The following ERAP1 variants were observed in gnomAD, a reference collection of about 807,000 sequenced individuals.
ERAP1 encodes the protein adipocyte-derived leucine aminopeptidase.
A neutral mutation model predicts 103.7 loss-of-function variants in ERAP1; 86 were observed. The observed-to-expected ratio is 0.83, with a 90% CI of 0.70 to 0.99. The LOEUF (loss-of-function observed/expected upper bound fraction) is 0.99, where lower values mean the gene tolerates loss of function less well. Among genes scored for constraint, ERAP1 ranks in the 50% least tolerant of loss-of-function variants. The pLI, the probability that ERAP1 is intolerant of heterozygous loss-of-function variation, is 0.00. For synonymous variants in ERAP1, 398 were observed against 402.4 expected (o/e 0.99, Z 0.13); for missense variants, 1,009 against 1,128.4 (o/e 0.89, Z 1.52).
chr5:96,865,806 A>G, the ERAP1 span, among the ~76,000 whole-genome samples: 2 of 152,206 alleles, frequency 1.3e-5, no homozygotes, highest in Admixed American at 6.5e-5. Context: ...GGAATGGATG[A>G]ATGGCCTTCA....
chr5:96,841,747 C>CTTTTTTTTTTTT, the ERAP1 span, among the ~76,000 whole-genome samples: 20 of 108,488 alleles, frequency 1.8e-4, no homozygotes, highest in Non-Finnish European at 3.0e-4. Context: ...TCTTCTTCTT[C>CTTTTTTTTTTTT]TTTTTTTTTT....
At chr5:96,932,285 T>C in the ERAP1 span, among the ~76,000 whole-genome samples, 3 of 152,178 alleles carry the variant, frequency 2.0e-5, no homozygotes, top group Non-Finnish European at 4.4e-5. Context: ...TTTATTCGAG[T>C]GCTGAACAAA....
At chr5:96,849,283 G>A in the ERAP1 span, among the ~76,000 whole-genome samples, 13 of 152,098 alleles carry the variant, frequency 8.5e-5, no homozygotes, top group Non-Finnish European at 4.4e-5. Context: ...AATTAGACAA[G>A]AAAAAGAAAT....
At chr5:96,912,112 C>T in the ERAP1 span, among the ~76,000 whole-genome samples, 85 of 149,318 alleles carry the variant, frequency 5.7e-4, 1 homozygote, top group African/African-American at 2.0e-3. Flanking sequence ...ATGGTGTGAA[C>T]CCCGGGGGGC....
the ERAP1 span, among the ~76,000 whole-genome samples, chr5:96,826,598 T>C: frequency 6.6e-6 from 1 of 152,208 alleles, no homozygotes; most frequent in Admixed American, 6.5e-5. Flanking sequence ...AATTTAGCCA[T>C]CCAGGTTCAG....
At chr5:96,908,948 T>G in the ERAP1 span, 1 of 1,609,372 alleles carries the variant, frequency 6.2e-7, no homozygotes, top group Non-Finnish European at 8.5e-7. Context: ...CTGACATTTG[T>G]TTTATACTTC....
the ERAP1 span, among the ~76,000 whole-genome samples, chr5:96,872,362 G>T: frequency 6.7e-6 from 1 of 149,666 alleles, no homozygotes; most frequent in Non-Finnish European, 1.5e-5. Flanking sequence ...AGGAAGAAAG[G>T]CCAAGGCAGG....
At position 96,785,960 on chromosome 5, in the gene ERAP1, G is replaced by A. The variant is rs939221924; in HGVS notation, c.1771C>T (p.Leu591Phe). The part of the protein sequence containing the change: ...LLKTKTDVLI[L>F]PEEVEWIKFN... ...TTGATCCATTCCACCTCTTCTGGGA[G>A]GATGAGCACATCTAGAGTAAATAAA... The change falls in exon 13 of 19, where the codon CTC becomes TTC. Residue 591 changes from leucine to phenylalanine, a missense_variant. By Grantham distance (22) the Leu-to-Phe change is conservative (BLOSUM62 0). This residue lies in a region of ERAP1 where 611 missense variants were observed against 651.7 expected (regional missense o/e 0.94). Coordinates refer to ENST00000443439, the MANE Select transcript of ERAP1 (RefSeq NM_001040458.3). 2 of 1,613,956 alleles carry A rather than the reference G, an allele frequency of 1.2e-6. No homozygotes were observed. The highest frequency in any genetic ancestry group is 2.7e-5 in the African/African-American group (2 of 74,930).
At chr5:96,888,285 A>G in the ERAP1 span, among the ~76,000 whole-genome samples, 2 of 152,226 alleles carry the variant, frequency 1.3e-5, no homozygotes, top group East Asian at 1.9e-4. Context: ...TTAGACATGG[A>G]TGTCTATGCA....
At chr5:96,887,079 A>G in the ERAP1 span, among the ~76,000 whole-genome samples, 3 of 69,494 alleles carry the variant, frequency 4.3e-5, no homozygotes, top group African/African-American at 9.6e-5. Flanking sequence ...CAAAGTATAT[A>G]TATATATATA....
chr5:96,792,217 A>G lies in ERAP1; in HGVS notation c.1189-25T>C, dbSNP rs774550610. 3.1e-6 allele frequency: 5 copies of G among 1,604,716 alleles called. No homozygotes were observed. The Admixed American group carries it at 5.0e-5, about 16-fold the overall frequency. ...CCTATTGAGATAGAAAAAAGAAAAC[A>G]TCACCTATGATTTACATTTAGATAA... On this transcript the variant is annotated intron_variant, in intron 7 of 18. Transcript: ENST00000443439.
At chr5:96,851,882 C>T in the ERAP1 span, among the ~76,000 whole-genome samples, 1 of 152,060 alleles carries the variant, frequency 6.6e-6, no homozygotes, top group Non-Finnish European at 1.5e-5. Context: ...GGGACAAGAG[C>T]CAGAAGAAAT....
the ERAP1 span, chr5:96,879,599 C>A: frequency 1.0e-6 from 1 of 1,002,190 alleles, no homozygotes; most frequent in Non-Finnish European, 1.5e-6. Context: ...GTTCAGACCC[C>A]ATGTGACATA....
chr5:96,835,566 CA>C, the ERAP1 span, among the ~76,000 whole-genome samples: 6 of 152,090 alleles, frequency 3.9e-5, no homozygotes, highest in Non-Finnish European at 7.4e-5. Flanking sequence ...CTTTTTAAAA[CA>C]ATTATTGCTG....
At chr5:96,839,871 A>G in the ERAP1 span, among the ~76,000 whole-genome samples, 1 of 152,074 alleles carries the variant, frequency 6.6e-6, no homozygotes, top group Admixed American at 6.5e-5. Context: ...AAATCTCCTG[A>G]CCTCATCTGA....
At chr5:96,930,292 TG>T in the ERAP1 span, among the ~76,000 whole-genome samples, 1 of 152,244 alleles carries the variant, frequency 6.6e-6, no homozygotes, top group East Asian at 1.9e-4. Flanking sequence ...TCATGTCCTC[TG>T]CTTCACCTTT....
chr5:96,776,444 A>C lies in ERAP1; in HGVS notation c.2778T>G (p.Phe926Leu). The change falls in exon 19 of 19, where the codon TTT becomes TTG. Residue 926 changes from phenylalanine (F) to leucine (L), a missense_variant. Coordinates refer to ENST00000443439, the MANE Select transcript of ERAP1 (RefSeq NM_001040458.3). ...EENIGWMDKNFDKIRVWLQSE... is the reference protein window; with the variant it reads ...EENIGWMDKNLDKIRVWLQSE... ...TTTGCAGCCACACTCTGATTTTATC[A>C]AAATTCTTATCCATCCAACCGATGT... The C allele has an allele frequency of 1.2e-6, 2 of 1,614,058 alleles. No individual in the cohort carries two copies. The highest frequency in any genetic ancestry group is 1.7e-6 in the Non-Finnish European group (2 of 1,180,004).
At chr5:96,875,094 C>T in the ERAP1 span, among the ~76,000 whole-genome samples, 1 of 152,154 alleles carries the variant, frequency 6.6e-6, no homozygotes, top group African/African-American at 2.4e-5. Flanking sequence ...AAGGATTAAT[C>T]TGGTGGCATC....
chr5:96,887,292 GTTGTTTCCGACTT>G, the ERAP1 span, among the ~76,000 whole-genome samples: 14 of 140,382 alleles, frequency 1.0e-4, no homozygotes, highest in African/African-American at 3.7e-4. Context: ...GGGCATGTAT[GTTGTTTCCGACTT>G]TTTTTTTTTT....
Sources: gnomAD v4.1 joint callset for allele counts (sites outside exome capture counted in the v4.1 genomes callset) on GRCh38, gnomAD v4.1.1 for gene constraint, gnomAD v4.1.1 regional missense constraint, MANE v1.5 for transcripts, NCBI Gene and HGNC (gene_info 2026-07-23, HGNC 2026-07-21) for gene names.